USP48: variants seen among roughly 807,000 people sequenced by gnomAD.
USP48 encodes ubiquitin carboxyl-terminal hydrolase 48.
USP48 carries 43 observed loss-of-function variants against 150.7 expected under a neutral mutation model. The ratio of observed to expected loss-of-function variants is 0.29; its 90% confidence interval spans 0.22 to 0.37. The LOEUF (loss-of-function observed/expected upper bound fraction) is 0.37. Among genes scored for constraint, USP48 ranks in the 10% least tolerant of loss-of-function variants. The probability of loss-of-function intolerance (pLI) is 1.00; values close to 1 mark genes in which losing one functional copy is unlikely to be tolerated. For synonymous variants in USP48, 396 were observed against 425.9 expected (o/e 0.93, Z 0.86); for missense variants, 813 against 1,249.6 (o/e 0.65, Z 5.27).
chr1:21,715,486 G>T, intron 14 of USP48, 29 bp from the exon 15 acceptor site: 1 of 1,433,122 alleles, frequency 7.0e-7, no homozygotes, highest in Non-Finnish European at 9.8e-7. Context: ...AATGATATCT[G>T]CTGTGGTTAT....
chr1:21,725,612 G>A (rs2097734527), intron 11 of USP48, among the ~76,000 whole-genome samples: 1 of 151,746 alleles, frequency 6.6e-6, no homozygotes, highest in Non-Finnish European at 1.5e-5. Context: ...AATTAGCTGG[G>A]CATGGCGGCA....
intron 7 of USP48, among the ~76,000 whole-genome samples, chr1:21,747,744 T>G (rs2097798298): frequency 1.3e-5 from 2 of 151,894 alleles, no homozygotes; most frequent in Admixed American, 1.3e-4. Context: ...GGCTAATTTT[T>G]GTATTTTTAG....
At chr1:21,719,289 T>TAAA (rs768685471) in intron 14 of USP48, among the ~76,000 whole-genome samples, 1 of 119,888 alleles carries the variant, frequency 8.3e-6, no homozygotes, top group African/African-American at 3.1e-5. Context: ...CTCAAAAAAG[T>TAAA]AAAAAAAAAA....
rs2097674007 is a variant in USP48, at chr1:21,706,819, A to G, written c.2013T>C (p.Ala671=). Residue 671 remains alanine (A), a synonymous_variant, in exon 16 of 27, where the codon GCT becomes GCC. Transcript: ENST00000308271. ...GAAAGTACTGCTGCAGTTTGCTCCA[A>G]GCCTCTTTAGAAACAAGCCTTCTTT... ...ENERRLVSKE[A]WSKLQQYFPK... 2 of 1,613,940 alleles carry G rather than the reference A, an allele frequency of 1.2e-6. No individual in the cohort carries two copies. The highest frequency in any genetic ancestry group is 2.2e-5 in the South Asian group (2 of 91,050).
intron 1 of USP48, among the ~76,000 whole-genome samples, chr1:21,760,105 T>C (rs2097846465): frequency 1.3e-5 from 2 of 152,206 alleles, no homozygotes; most frequent in Non-Finnish European, 2.9e-5. Flanking sequence ...CAAAGATGCA[T>C]GGCCTTAATT....
intron 24 of USP48, 88 bp downstream of exon 24, chr1:21,689,886 A>G: frequency 6.5e-7 from 1 of 1,535,878 alleles, no homozygotes; most frequent in Non-Finnish European, 8.8e-7. Flanking sequence ...GACCCAAGGC[A>G]TCCTTTAACC....
At chr1:21,681,178 G>C (rs563936159) in intron 25 of USP48, 3 of 185,186 alleles carry the variant, frequency 1.6e-5, no homozygotes, top group East Asian at 1.4e-4. Flanking sequence ...CCATTCCCAA[G>C]TTCTGGAAGG....
chr1:21,712,829 T>C (rs961089044), intron 15 of USP48, among the ~76,000 whole-genome samples: 1 of 152,072 alleles, frequency 6.6e-6, no homozygotes, highest in Non-Finnish European at 1.5e-5. Flanking sequence ...GGTTTCACCA[T>C]GTTGGCCAGG....
chr1:21,744,890 TA>T (rs1007334053), intron 8 of USP48, among the ~76,000 whole-genome samples: 10 of 151,400 alleles, frequency 6.6e-5, no homozygotes, highest in Non-Finnish European at 1.0e-4. Context: ...TCCCTCATTC[TA>T]AAGATGTCTG....
intron 15 of USP48, chr1:21,715,186 A>G (rs1468250755): frequency 8.2e-6 from 4 of 489,988 alleles, no homozygotes; most frequent in Admixed American, 4.0e-5. Context: ...CTGAAATTCA[A>G]TACTTCAAAT....
At chr1:21,781,801 C>G (rs554870258) in intron 1 of USP48, 1 of 152,338 alleles carries the variant, frequency 6.6e-6, no homozygotes, top group South Asian at 2.1e-4. Context: ...CGTTGAGAAA[C>G]TGACTGAAGC....
At chr1:21,701,941 T>C (rs1313866918) in intron 21 of USP48, among the ~76,000 whole-genome samples, 1 of 152,232 alleles carries the variant, frequency 6.6e-6, no homozygotes, top group Non-Finnish European at 1.5e-5. Context: ...GCACACTGAT[T>C]GCCAAGCCTT....
At chr1:21,744,504 G>A (rs956959136) in intron 8 of USP48, among the ~76,000 whole-genome samples, 7 of 150,964 alleles carry the variant, frequency 4.6e-5, no homozygotes, top group South Asian at 2.1e-4. Context: ...GGCCAGGTGC[G>A]GTGGGTCACG....
chr1:21,764,687 G>C (rs2097857688), intron 1 of USP48, among the ~76,000 whole-genome samples: 1 of 147,118 alleles, frequency 6.8e-6, no homozygotes, highest in African/African-American at 2.5e-5. Flanking sequence ...ACACCAGCCT[G>C]GGTGACAGAG....
rs1282754330 is a variant in USP48, at chr1:21,755,122, T to C, written c.412+1424A>G. Among the ~76,000 whole-genome samples, 3 of 152,192 alleles carry C rather than the reference T, an allele frequency of 2.0e-5. No individual in the cohort carries two copies. The East Asian group carries it at 5.8e-4, about 29-fold the overall frequency. Reference sequence around the variant, plus strand: ...GTTATTAATTCTCAACTTTCCCTTTTCAAATTATTCTGTAGCTTCTGTCTT... The same window carrying C: ...GTTATTAATTCTCAACTTTCCCTTTCCAAATTATTCTGTAGCTTCTGTCTT... On this transcript the variant is annotated intron_variant, in intron 3 of 26. Coordinates refer to ENST00000308271, the MANE Select transcript of USP48 (RefSeq NM_032236.8).
At chr1:21,687,754 A>T (rs1189652511) in intron 24 of USP48, among the ~76,000 whole-genome samples, 1 of 152,248 alleles carries the variant, frequency 6.6e-6, no homozygotes, top group Admixed American at 6.5e-5. Context: ...AGGATAATGA[A>T]GCCAATGACC....
At chr1:21,756,296 C>T (rs533582084) in intron 3 of USP48, among the ~76,000 whole-genome samples, 1 of 151,710 alleles carries the variant, frequency 6.6e-6, no homozygotes, top group Admixed American at 6.6e-5. Context: ...GCCTGGCCAA[C>T]ATAGTGAAAC....
At position 21,697,662 on chromosome 1, in the gene USP48, C is replaced by CA. The variant is rs372121302; in HGVS notation, c.2728-2442dup. Among the ~76,000 whole-genome samples, 582 of 68,142 alleles carry CA rather than the reference C, an allele frequency of 8.5e-3. 3 individuals are homozygous for CA. The highest frequency in any genetic ancestry group is 1.0e-2 in the Non-Finnish European group (342 of 34,244). 44.7% of individuals were successfully genotyped at this position (68,142 alleles called of 152,430 possible). A position where few individuals can be genotyped will look rare whatever the true frequency, so the allele number is the denominator to read the frequency against. On this transcript the variant is annotated intron_variant, in intron 22 of 26. Transcript: ENST00000308271. Reference sequence around the variant, plus strand: ...TGGGCAACAGGGCAAGACTCCATCTCAAAAAAAAAAAAAAAGAAAGAAAAG... The same window carrying CA: ...TGGGCAACAGGGCAAGACTCCATCTCAAAAAAAAAAAAAAAAGAAAGAAAAG...
intron 14 of USP48, among the ~76,000 whole-genome samples, chr1:21,717,083 C>CA (rs35597701): frequency 0.79 from 120,127 of 151,966 alleles, 48,410 homozygotes; most frequent in Admixed American, 0.87. Context: ...ACAATTAATA[C>CA]AAAAAATATC....
Sources: gnomAD v4.1 joint callset for allele counts (sites outside exome capture counted in the v4.1 genomes callset) on GRCh38, gnomAD v4.1.1 for gene constraint, MANE v1.5 for transcripts, NCBI Gene and HGNC (gene_info 2026-07-23, HGNC 2026-07-21) for gene names.